Variants in SLC35D4 observed in about 807,000 individuals in gnomAD.
The protein encoded by SLC35D4 is UDP-N-acetylglucosamine transporter SLC35D4.
chr18:23,240,867 G>T, the SLC35D4 span, among the ~76,000 whole-genome samples: 1 of 151,106 alleles, frequency 6.6e-6, no homozygotes, highest in Non-Finnish European at 1.5e-5. Flanking sequence ...TCAAAGTGAT[G>T]AGCTAATCCT....
At chr18:23,305,410 G>A in the SLC35D4 span, among the ~76,000 whole-genome samples, 5 of 152,184 alleles carry the variant, frequency 3.3e-5, no homozygotes, top group African/African-American at 1.2e-4. Flanking sequence ...AGGTTACAGG[G>A]CTTTGTACAC....
At chr18:23,384,926 A>T in the SLC35D4 span, 38 of 1,506,604 alleles carry the variant, frequency 2.5e-5, 1 homozygote, top group East Asian at 2.3e-4. Context: ...GGCCATAAAA[A>T]GAAGAGTACT....
the SLC35D4 span, among the ~76,000 whole-genome samples, chr18:23,306,389 C>T: frequency 6.6e-6 from 1 of 152,080 alleles, no homozygotes; most frequent in South Asian, 2.1e-4. Flanking sequence ...TCACTGCAAC[C>T]TCCACCTCCC....
chr18:23,418,495 C>A, the SLC35D4 span, among the ~76,000 whole-genome samples: 26 of 151,134 alleles, frequency 1.7e-4, no homozygotes, highest in Non-Finnish European at 1.2e-4. Flanking sequence ...CCTCAGCCTC[C>A]CAAGTAGCCA....
At chr18:23,240,359 T>TAC in the SLC35D4 span, among the ~76,000 whole-genome samples, 3 of 151,914 alleles carry the variant, frequency 2.0e-5, no homozygotes, top group South Asian at 6.2e-4. Flanking sequence ...CCCTTCCCCC[T>TAC]ACACACACAC....
the SLC35D4 span, among the ~76,000 whole-genome samples, chr18:23,431,819 C>A: frequency 6.6e-6 from 1 of 151,800 alleles, no homozygotes; most frequent in Non-Finnish European, 1.5e-5. Flanking sequence ...CATTTTTTTC[C>A]TATTATTGAC....
At chr18:23,389,448 C>T in the SLC35D4 span, among the ~76,000 whole-genome samples, 1 of 152,200 alleles carries the variant, frequency 6.6e-6, no homozygotes, top group Non-Finnish European at 1.5e-5. Context: ...ATTTTTTCTA[C>T]TGAGAAGCTA....
the SLC35D4 span, among the ~76,000 whole-genome samples, chr18:23,413,651 A>C: frequency 6.6e-6 from 1 of 152,312 alleles, no homozygotes; most frequent in South Asian, 2.1e-4. Flanking sequence ...TTGGCCAGGC[A>C]TGGTGGCTCA....
At chr18:23,262,963 C>T in the SLC35D4 span, among the ~76,000 whole-genome samples, 3 of 152,302 alleles carry the variant, frequency 2.0e-5, no homozygotes, top group South Asian at 2.1e-4. Context: ...GCCTTGGACA[C>T]GGTCTTCAAC....
At chr18:23,345,254 T>C in the SLC35D4 span, among the ~76,000 whole-genome samples, 28 of 151,748 alleles carry the variant, frequency 1.8e-4, no homozygotes, top group African/African-American at 6.1e-4. Context: ...GAGGCCGAGG[T>C]GGGCGGATCG....
the SLC35D4 span, among the ~76,000 whole-genome samples, chr18:23,393,008 C>T: frequency 9.9e-5 from 15 of 152,110 alleles, no homozygotes; most frequent in Middle Eastern, 3.4e-3. Context: ...CTCCGCCTCC[C>T]GGGTTCAAGC....
chr18:23,355,303 T>A, the SLC35D4 span, among the ~76,000 whole-genome samples: 6 of 152,218 alleles, frequency 3.9e-5, no homozygotes, highest in African/African-American at 1.4e-4. Flanking sequence ...AAAGCCAACA[T>A]CAATGGGCTG....
chr18:23,270,012 C>T, the SLC35D4 span, among the ~76,000 whole-genome samples: 1 of 152,180 alleles, frequency 6.6e-6, no homozygotes, highest in Non-Finnish European at 1.5e-5. Context: ...AACAAGGAGG[C>T]AAATGTTAAT....
chr18:23,321,928 A>G, the SLC35D4 span, among the ~76,000 whole-genome samples: 1 of 152,230 alleles, frequency 6.6e-6, no homozygotes, highest in Non-Finnish European at 1.5e-5. Flanking sequence ...ACAGGGTTTC[A>G]GATAAAATGT....
chr18:23,239,220 G>A, the SLC35D4 span, among the ~76,000 whole-genome samples: 62 of 152,206 alleles, frequency 4.1e-4, no homozygotes, highest in Non-Finnish European at 5.0e-4. Flanking sequence ...CAGCATGTAT[G>A]TCCTGCCCTC....
At chr18:23,257,128 T>C in the SLC35D4 span, 1 of 1,371,238 alleles carries the variant, frequency 7.3e-7, no homozygotes, top group East Asian at 2.3e-5. Context: ...GGATTTCTCC[T>C]GAGCACTCAC....
the SLC35D4 span, among the ~76,000 whole-genome samples, chr18:23,303,235 T>C: frequency 1.4e-4 from 21 of 152,240 alleles, no homozygotes; most frequent in Non-Finnish European, 2.2e-4. Context: ...CACTTTGTGG[T>C]TGGAAAATTC....
the SLC35D4 span, among the ~76,000 whole-genome samples, chr18:23,305,943 C>A: frequency 6.6e-6 from 1 of 152,210 alleles, no homozygotes; most frequent in Admixed American, 6.5e-5. Flanking sequence ...CCCCTTCCAG[C>A]CCAAAGCCAC....
chr18:23,337,220 T>C, the SLC35D4 span, among the ~76,000 whole-genome samples: 1,859 of 152,242 alleles, frequency 0.012, 31 homozygotes, highest in African/African-American at 0.042. Flanking sequence ...ACGCCTGTAA[T>C]CCCAGCACTT....
Sources: gnomAD v4.1 joint callset for allele counts (sites outside exome capture counted in the v4.1 genomes callset) on GRCh38, gnomAD v4.1.1 for gene constraint, MANE v1.5 for transcripts, NCBI Gene and HGNC (gene_info 2026-07-23, HGNC 2026-07-21) for gene names.